The following SPOCK3 variants were observed in gnomAD, a reference collection of about 807,000 sequenced individuals.
SPOCK3 encodes testican-3.
SPOCK3 carries 30 observed loss-of-function variants against 56.6 expected under a neutral mutation model. The observed-to-expected ratio is 0.53, with a 90% CI of 0.40 to 0.72. The LOEUF (loss-of-function observed/expected upper bound fraction) is 0.72. Among genes scored for constraint, SPOCK3 ranks in the 30% least tolerant of loss-of-function variants. The pLI, the probability that SPOCK3 is intolerant of heterozygous loss-of-function variation, is 0.00. For synonymous variants in SPOCK3, 196 were observed against 183.3 expected, an observed-to-expected ratio of 1.07 and a Z score of -0.56; for missense variants, 527 against 530.0, an observed-to-expected ratio of 0.99 and a Z score of 0.06.
At chr4:167,199,909 AT>A (rs905500458) in intron 2 of SPOCK3, among the ~76,000 whole-genome samples, 3 of 151,456 alleles carry the variant, frequency 2.0e-5, no homozygotes, top group Non-Finnish European at 2.9e-5. Context: ...AAATAAAAAA[AT>A]ATGTAATTAC....
chr4:166,834,994 CT>C (rs1422119477), intron 6 of SPOCK3, among the ~76,000 whole-genome samples: 1 of 152,018 alleles, frequency 6.6e-6, no homozygotes, highest in Non-Finnish European at 1.5e-5. Flanking sequence ...TGAACTAGAT[CT>C]ATGAAGATTT....
At chr4:167,087,586 T>C (rs1758316557) in intron 2 of SPOCK3, among the ~76,000 whole-genome samples, 1 of 152,184 alleles carries the variant, frequency 6.6e-6, no homozygotes, top group Non-Finnish European at 1.5e-5. Context: ...CACCATAAGA[T>C]AGATGTTAGG....
intron 2 of SPOCK3, among the ~76,000 whole-genome samples, chr4:167,216,536 G>A (rs1170174140): frequency 6.6e-6 from 1 of 152,054 alleles, no homozygotes; most frequent in Non-Finnish European, 1.5e-5. Flanking sequence ...CTGCAGAGAA[G>A]ACCCTGACAG....
At chr4:166,952,716 G>A (rs1218368452) in intron 4 of SPOCK3, among the ~76,000 whole-genome samples, 2 of 152,124 alleles carry the variant, frequency 1.3e-5, no homozygotes, top group Non-Finnish European at 2.9e-5. Context: ...AAACAGCATG[G>A]TACTGGTACC....
At chr4:167,039,339 G>T (rs1363308142) in intron 3 of SPOCK3, among the ~76,000 whole-genome samples, 1 of 152,172 alleles carries the variant, frequency 6.6e-6, no homozygotes, top group African/African-American at 2.4e-5. Context: ...AGCACAGGAG[G>T]TTAAGACTTA....
At chr4:166,873,878 G>A (rs944881912) in intron 6 of SPOCK3, among the ~76,000 whole-genome samples, 1 of 152,078 alleles carries the variant, frequency 6.6e-6, no homozygotes, top group Non-Finnish European at 1.5e-5. Flanking sequence ...AGGCAAATTG[G>A]CATCAAAGAT....
chr4:167,166,408 A>G (rs896209430), intron 2 of SPOCK3, among the ~76,000 whole-genome samples: 3 of 151,922 alleles, frequency 2.0e-5, no homozygotes, highest in African/African-American at 7.2e-5. Context: ...ACAGCCTACA[A>G]CCCTCTCTTT....
chr4:167,103,418 G>A (rs1282860023), intron 2 of SPOCK3, among the ~76,000 whole-genome samples: 1 of 152,094 alleles, frequency 6.6e-6, no homozygotes, highest in African/African-American at 2.4e-5. Context: ...CCATAAGCTC[G>A]CTGATGAGCC....
chr4:167,225,346 C>T (rs1222691108), intron 2 of SPOCK3, among the ~76,000 whole-genome samples: 1 of 151,884 alleles, frequency 6.6e-6, no homozygotes, highest in East Asian at 1.9e-4. Context: ...ATTATTTCCT[C>T]GATAAAGGAA....
chr4:167,201,636 T>C (rs965513952), intron 2 of SPOCK3, among the ~76,000 whole-genome samples: 13 of 152,006 alleles, frequency 8.6e-5, no homozygotes, highest in African/African-American at 2.9e-4. Flanking sequence ...TATATGCATA[T>C]TAAAAACACA....
intron 4 of SPOCK3, among the ~76,000 whole-genome samples, chr4:166,915,120 C>T (rs1352006136): frequency 4.0e-5 from 6 of 151,898 alleles, no homozygotes; most frequent in Admixed American, 2.0e-4. Context: ...TATAGAAGTC[C>T]AACTCTATGT....
At chr4:167,183,777 G>T (rs1369968021) in intron 2 of SPOCK3, among the ~76,000 whole-genome samples, 4 of 152,116 alleles carry the variant, frequency 2.6e-5, no homozygotes, top group Non-Finnish European at 5.9e-5. Flanking sequence ...ATAAGAGATT[G>T]TCTAAAAGAC....
At chr4:167,173,229 C>A (rs1455418855) in intron 2 of SPOCK3, among the ~76,000 whole-genome samples, 3 of 152,092 alleles carry the variant, frequency 2.0e-5, no homozygotes, top group Non-Finnish European at 4.4e-5. Flanking sequence ...TGTTGCAACA[C>A]AAAGTGAAAT....
At chr4:167,220,849 T>C (rs1338333790) in intron 2 of SPOCK3, among the ~76,000 whole-genome samples, 2 of 152,176 alleles carry the variant, frequency 1.3e-5, no homozygotes, top group Admixed American at 6.6e-5. Flanking sequence ...GATTTGAAAC[T>C]ACTGACATTT....
At chr4:166,764,764 C>T (rs1460127547) in intron 7 of SPOCK3, among the ~76,000 whole-genome samples, 3 of 152,054 alleles carry the variant, frequency 2.0e-5, no homozygotes, top group Admixed American at 2.0e-4. Context: ...GGAATCACCA[C>T]ACTGTCTTCC....
intron 2 of SPOCK3, among the ~76,000 whole-genome samples, chr4:167,179,702 A>G (rs1388430473): frequency 6.6e-6 from 1 of 152,184 alleles, no homozygotes; most frequent in Non-Finnish European, 1.5e-5. Flanking sequence ...TATGCATGTC[A>G]GAATGATACC....
At chr4:167,217,557 G>GT (rs1491489278) in intron 2 of SPOCK3, among the ~76,000 whole-genome samples, 3 of 151,996 alleles carry the variant, frequency 2.0e-5, no homozygotes, top group Non-Finnish European at 2.9e-5. Flanking sequence ...ATCTCTCCTG[G>GT]TGGGGGTGTC....
intron 6 of SPOCK3, among the ~76,000 whole-genome samples, chr4:166,836,085 A>T (rs1025525230): frequency 1.3e-5 from 2 of 152,186 alleles, no homozygotes; most frequent in Admixed American, 1.3e-4. Context: ...TGTTATGTTA[A>T]CAATATGAAT....
chr4:167,168,935 A>C (rs563468474), intron 2 of SPOCK3, among the ~76,000 whole-genome samples: 3 of 152,264 alleles, frequency 2.0e-5, no homozygotes, highest in Non-Finnish European at 4.4e-5. Context: ...GCTATGGCTA[A>C]AAGGATCCAA....
Sources: gnomAD v4.1 joint callset for allele counts (sites outside exome capture counted in the v4.1 genomes callset) on GRCh38, gnomAD v4.1.1 for gene constraint, MANE v1.5 for transcripts, NCBI Gene and HGNC (gene_info 2026-07-23, HGNC 2026-07-21) for gene names.